LSAMP: variants seen among roughly 807,000 people sequenced by gnomAD.
The protein encoded by LSAMP is limbic system associated membrane protein.
In LSAMP, 7 loss-of-function variants were observed where a neutral mutation model predicts 38.6. The observed-to-expected ratio is 0.18, with a 90% CI of 0.10 to 0.34. The LOEUF is 0.34. LSAMP is among the 10% of genes least tolerant of loss of function. The pLI is 1.00. For synonymous variants in LSAMP, 154 were observed against 166.8 expected (o/e 0.92, Z 0.59); for missense variants, 313 against 420.0 (o/e 0.75, Z 2.23).
intron 1 of LSAMP, among the ~76,000 whole-genome samples, chr3:116,387,943 AG>A (rs1292072822): frequency 6.6e-6 from 1 of 151,876 alleles, no homozygotes; most frequent in Non-Finnish European, 1.5e-5. Flanking sequence ...AATACAAAAA[AG>A]AAAAAAAAAA....
intron 3 of LSAMP, among the ~76,000 whole-genome samples, chr3:115,992,604 C>T (rs1371178841): frequency 6.6e-6 from 1 of 151,934 alleles, no homozygotes; most frequent in Non-Finnish European, 1.5e-5. Context: ...ATTCATTACA[C>T]AAACTTTTTA....
At chr3:115,833,105 C>G (rs992441104) in intron 6 of LSAMP, among the ~76,000 whole-genome samples, 2 of 152,140 alleles carry the variant, frequency 1.3e-5, no homozygotes, top group African/African-American at 4.8e-5. Context: ...AAAATGCTAT[C>G]CAATGGTACA....
chr3:115,938,198 A>T (rs1937776405), intron 3 of LSAMP, among the ~76,000 whole-genome samples: 1 of 152,192 alleles, frequency 6.6e-6, no homozygotes, highest in Non-Finnish European at 1.5e-5. Context: ...ATTTATTATG[A>T]GTGTGGTTTA....
Position 115,893,251 on chromosome 3 carries a change from C to A in LSAMP, c.515-40634G>T, listed in dbSNP as rs183332339. On this transcript the variant is annotated intron_variant, in intron 3 of 6. Coordinates refer to ENST00000490035, the MANE Select transcript of LSAMP (RefSeq NM_002338.5). The stretch of plus-strand genomic sequence containing the variant: ...CCATGGCCTGTGTATACCTATGTAA[C>A]AAACCTACACGTTCTGCACATGTAT... Among the ~76,000 whole-genome samples, 97 of 152,066 alleles carry A rather than the reference C, an allele frequency of 6.4e-4. No individual in the cohort carries two copies. In the East Asian group the frequency reaches 0.017, roughly 26 times the overall value.
intron 1 of LSAMP, among the ~76,000 whole-genome samples, chr3:116,407,603 C>G (rs2048913443): frequency 6.6e-6 from 1 of 152,064 alleles, no homozygotes; most frequent in Non-Finnish European, 1.5e-5. Flanking sequence ...CTTATGGAAG[C>G]AACCTTGGGG....
At chr3:115,990,888 G>T (rs1340089373) in intron 3 of LSAMP, among the ~76,000 whole-genome samples, 1 of 151,922 alleles carries the variant, frequency 6.6e-6, no homozygotes, top group Admixed American at 6.6e-5. Flanking sequence ...GTCTTGGATG[G>T]CCCCAGGAAA....
At chr3:116,032,323 C>T (rs541243566) in intron 2 of LSAMP, among the ~76,000 whole-genome samples, 52 of 152,192 alleles carry the variant, frequency 3.4e-4, no homozygotes, top group African/African-American at 1.3e-3. Context: ...ATACCACATG[C>T]CCGTGTGATA....
intron 1 of LSAMP, among the ~76,000 whole-genome samples, chr3:116,232,057 G>T (rs1398659083): frequency 6.6e-6 from 1 of 152,140 alleles, no homozygotes; most frequent in Non-Finnish European, 1.5e-5. Flanking sequence ...TTATAAATGG[G>T]AATAATTACA....
chr3:116,397,395 C>CGA (rs201390071), intron 1 of LSAMP, among the ~76,000 whole-genome samples: 6 of 147,270 alleles, frequency 4.1e-5, no homozygotes, highest in Non-Finnish European at 9.0e-5. Context: ...CGCCCCCCCC[C>CGA]CACACACACA....
At position 115,833,359 on chromosome 3, in the gene LSAMP, G is replaced by GTT. The variant is rs59072688; in HGVS notation, c.919+8484_919+8485dup. Among the ~76,000 whole-genome samples the GTT allele has an allele frequency of 5.5e-3, 699 of 128,022 alleles. 6 individuals carry two copies. Among genetic ancestry groups the GTT allele is most frequent in the African/African-American group, 0.013 (473 of 35,068 alleles). The allele number at this position is 128,022 out of a possible 152,430, so 84.0% of individuals were successfully genotyped here. ...AAACAGATTTCATTGTTTTAGGGAA[G>GTT]TTTTTTTTTTTTTTTTTTGCTATTC... On this transcript the variant is annotated intron_variant, in intron 6 of 6. Coordinates refer to ENST00000490035, the MANE Select transcript of LSAMP (RefSeq NM_002338.5).
intron 1 of LSAMP, among the ~76,000 whole-genome samples, chr3:116,433,975 C>T (rs562356416): frequency 2.6e-5 from 4 of 152,204 alleles, no homozygotes; most frequent in Middle Eastern, 3.4e-3. Flanking sequence ...CAAAATACCC[C>T]CATTTGCCCT....
intron 2 of LSAMP, among the ~76,000 whole-genome samples, chr3:116,085,356 A>T (rs992135836): frequency 3.3e-5 from 5 of 152,232 alleles, no homozygotes; most frequent in African/African-American, 9.6e-5. Flanking sequence ...TAAACACTAC[A>T]ATAATCAATT....
In LSAMP at chr3:116,214,878, G is replaced by C. The variant is rs547025350; in HGVS notation, c.156-128322C>G. Among the ~76,000 whole-genome samples the C allele has an allele frequency of 2.6e-5, 4 of 152,262 alleles. No individual in the cohort carries two copies. The East Asian group carries it at 7.7e-4, about 29-fold the overall frequency. On this transcript the variant is annotated intron_variant, in intron 1 of 6. Coordinates refer to ENST00000490035, the MANE Select transcript of LSAMP (RefSeq NM_002338.5). ...CAGGGTCATCTCTAAGTGGTAAAGA[G>C]AGTAATGGGAAGAGGAGAAATAATA...
Position 116,445,123 on chromosome 3 carries a change from C to T in LSAMP, c.-92G>A. On this transcript the variant is annotated 5_prime_UTR_variant, in exon 1 of 7. Transcript: ENST00000490035. ...GCTTCACCAACACGGGGCTTTCATC[C>T]ACAGCGAGCGCAGAGCGGGCTTTGC... The T allele has an allele frequency of 7.5e-7, 1 of 1,339,402 alleles. No individual in the cohort carries two copies. Among genetic ancestry groups the T allele is most frequent in the Non-Finnish European group, 1.0e-6 (1 of 979,050 alleles). 83.0% of individuals were successfully genotyped at this position (1,339,402 alleles called of 1,614,324 possible).
chr3:115,861,213 TC>T (rs1418606592), intron 3 of LSAMP, among the ~76,000 whole-genome samples: 3 of 138,212 alleles, frequency 2.2e-5, no homozygotes, highest in South Asian at 5.0e-4. Flanking sequence ...TTCCTTTCCT[TC>T]CTCCCTACAC....
At chr3:116,009,015 A>G (rs2107672429) in intron 3 of LSAMP, among the ~76,000 whole-genome samples, 2 of 152,228 alleles carry the variant, frequency 1.3e-5, no homozygotes, top group South Asian at 4.1e-4. Context: ...TCAGAGTCCA[A>G]CCTTGTAGCC....
intron 3 of LSAMP, among the ~76,000 whole-genome samples, chr3:116,000,145 TG>T (rs1042580242): frequency 1.3e-5 from 2 of 152,166 alleles, no homozygotes; most frequent in Non-Finnish European, 2.9e-5. Flanking sequence ...TTAGGGACTT[TG>T]GGTAAGTCAC....
intron 3 of LSAMP, among the ~76,000 whole-genome samples, chr3:115,913,786 G>A (rs978885836): frequency 1.3e-5 from 2 of 152,092 alleles, no homozygotes; most frequent in African/African-American, 4.8e-5. Flanking sequence ...TCCATAAGAA[G>A]GGGACCTATG....
At chr3:116,003,115 G>A (rs1940049944) in intron 3 of LSAMP, among the ~76,000 whole-genome samples, 1 of 151,966 alleles carries the variant, frequency 6.6e-6, no homozygotes. Flanking sequence ...ATCTCTTTAC[G>A]GTGTGCAACA....
Sources: gnomAD v4.1 joint callset for allele counts (sites outside exome capture counted in the v4.1 genomes callset) on GRCh38, gnomAD v4.1.1 for gene constraint, MANE v1.5 for transcripts, NCBI Gene and HGNC (gene_info 2026-07-23, HGNC 2026-07-21) for gene names.